CTNND2: variants seen among roughly 807,000 people sequenced by gnomAD.
The protein encoded by CTNND2 is catenin delta 2, also known as catenin delta-2.
In CTNND2, 22 loss-of-function variants were observed where a neutral mutation model predicts 144.4. The ratio of observed to expected loss-of-function variants is 0.15; its 90% confidence interval spans 0.11 to 0.22. The LOEUF is 0.22. Among genes scored for constraint, CTNND2 ranks in the 10% least tolerant of loss-of-function variants. CTNND2 has a pLI of 1.00. For synonymous variants in CTNND2, 751 were observed against 695.6 expected, an observed-to-expected ratio of 1.08 and a Z score of -1.25; for missense variants, 1,353 against 1,618.8, an observed-to-expected ratio of 0.84 and a Z score of 2.82.
At chr5:10,990,644 T>C (rs1738573564) in intron 19 of CTNND2, among the ~76,000 whole-genome samples, 2 of 152,334 alleles carry the variant, frequency 1.3e-5, no homozygotes, top group Admixed American at 1.3e-4. Flanking sequence ...GCCCAGATGG[T>C]GGTGTTTATT....
At chr5:11,417,556 T>C (rs1426867672) in intron 3 of CTNND2, among the ~76,000 whole-genome samples, 1 of 152,154 alleles carries the variant, frequency 6.6e-6, no homozygotes, top group South Asian at 2.1e-4. Context: ...GTATGGCCAC[T>C]GAACACATTA....
At chr5:11,686,740 AAATAT>A (rs941464229) in intron 2 of CTNND2, among the ~76,000 whole-genome samples, 2 of 149,298 alleles carry the variant, frequency 1.3e-5, no homozygotes, top group African/African-American at 4.9e-5. Flanking sequence ...ACATCATGTT[AAATAT>A]ATTATTCTTA....
chr5:11,576,347 TTTC>T (rs2150123243), intron 2 of CTNND2, among the ~76,000 whole-genome samples: 1 of 151,554 alleles, frequency 6.6e-6, no homozygotes, highest in East Asian at 1.9e-4. Context: ...AAAATTAATT[TTTC>T]TTAACATATT....
At chr5:11,167,817 A>C (rs898759096) in intron 11 of CTNND2, among the ~76,000 whole-genome samples, 1 of 140,972 alleles carries the variant, frequency 7.1e-6, no homozygotes. Context: ...TGATCCTCCC[A>C]CCTCCGCCAC....
intron 1 of CTNND2, among the ~76,000 whole-genome samples, chr5:11,781,405 G>C (rs1039498253): frequency 6.6e-6 from 1 of 152,192 alleles, no homozygotes. Context: ...AGAAATATGA[G>C]GTTTCTGAGG....
At chr5:11,601,631 CATA>C (rs1307736885) in intron 2 of CTNND2, among the ~76,000 whole-genome samples, 5 of 151,958 alleles carry the variant, frequency 3.3e-5, no homozygotes, top group Admixed American at 6.6e-5. Context: ...GAGAATATGT[CATA>C]ATAATACATA....
intron 3 of CTNND2, among the ~76,000 whole-genome samples, chr5:11,457,127 T>C (rs1246998343): frequency 6.6e-6 from 1 of 152,126 alleles, no homozygotes; most frequent in East Asian, 1.9e-4. Context: ...GAGAGTGAGG[T>C]GAGGTGGCTC....
At chr5:10,995,662 G>A (rs912374210) in intron 18 of CTNND2, among the ~76,000 whole-genome samples, 4 of 152,162 alleles carry the variant, frequency 2.6e-5, no homozygotes, top group African/African-American at 9.7e-5. Context: ...GCAGTATTTC[G>A]TGTGCTGATG....
chr5:11,710,947 C>T (rs1384011582), intron 2 of CTNND2, among the ~76,000 whole-genome samples: 1 of 152,224 alleles, frequency 6.6e-6, no homozygotes, highest in Non-Finnish European at 1.5e-5. Flanking sequence ...AACCCCTTGT[C>T]ACTCCACATC....
At chr5:11,022,691 A>G (rs970325803) in intron 17 of CTNND2, 78 bp downstream of exon 17, 10 of 1,035,898 alleles carry the variant, frequency 9.7e-6, no homozygotes, top group Non-Finnish European at 1.5e-5. Context: ...TCATAGTACT[A>G]CCCGTCATCA....
intron 1 of CTNND2, among the ~76,000 whole-genome samples, chr5:11,853,139 AACTC>A (rs1205942011): frequency 1.3e-5 from 2 of 151,970 alleles, no homozygotes. Context: ...TGCTAGGGAA[AACTC>A]ACTCTTTTTC....
chr5:11,649,020 T>C (rs1257965335), intron 2 of CTNND2, among the ~76,000 whole-genome samples: 4 of 152,240 alleles, frequency 2.6e-5, no homozygotes, highest in African/African-American at 9.6e-5. Flanking sequence ...AAACTACTTT[T>C]ATATTCTTAT....
chr5:11,461,658 T>C (rs1766237111), intron 3 of CTNND2, among the ~76,000 whole-genome samples: 1 of 152,172 alleles, frequency 6.6e-6, no homozygotes, highest in Admixed American at 6.5e-5. Flanking sequence ...CATAAACTCA[T>C]GGACTTTCCA....
chr5:11,378,675 A>C (rs1186545300), intron 7 of CTNND2, among the ~76,000 whole-genome samples: 12 of 152,166 alleles, frequency 7.9e-5, no homozygotes, highest in Non-Finnish European at 4.4e-5. Flanking sequence ...TTTTGACCCC[A>C]TCCCAGGAGC....
At position 11,307,271 on chromosome 5, in the gene CTNND2, T is replaced by C. The variant is rs143383068; in HGVS notation, c.1628+39101A>G. ...AAGTGAGGGTAGATCAGGCTATGCC[T>C]GTGAGATAATATCCAAACCACAAAG... On this transcript the variant is annotated intron_variant, in intron 9 of 21. Transcript: ENST00000304623. Among the ~76,000 whole-genome samples, 373 of 152,102 alleles carry C rather than the reference T, an allele frequency of 2.5e-3. 1 individual carries two copies. Among genetic ancestry groups the C allele is most frequent in the African/African-American group, 8.7e-3 (359 of 41,490 alleles).
chr5:10,997,822 A>T (rs1739519989), intron 18 of CTNND2, among the ~76,000 whole-genome samples: 1 of 152,142 alleles, frequency 6.6e-6, no homozygotes, highest in Admixed American at 6.5e-5. Context: ...AAGGTGAACA[A>T]GGTACTTTAC....
At chr5:11,325,732 C>T (rs116117042) in intron 9 of CTNND2, among the ~76,000 whole-genome samples, 2,395 of 152,138 alleles carry the variant, frequency 0.016, 50 homozygotes, top group African/African-American at 0.056. Context: ...GGCTTTCTTT[C>T]CCAAGGGCTA....
In CTNND2 at chr5:11,903,065, G is replaced by A. The variant is rs754023988; in HGVS notation, c.37+752C>T. ...AACACACTACACACCAGAATAAGAT[G>A]AGGGTCGGGAAAAAAAGAAAAAAGC... On this transcript the variant is annotated intron_variant, in intron 1 of 21. Coordinates refer to ENST00000304623, the MANE Select transcript of CTNND2 (RefSeq NM_001332.4). The surrounding 1 kb of genome is among the most constrained non-coding windows in gnomAD (Gnocchi z 5.4). The A allele has an allele frequency of 2.6e-6, 1 of 385,238 alleles. No individual in the cohort carries two copies. The highest frequency in any genetic ancestry group is 2.2e-5 in the African/African-American group (1 of 45,796). The allele number at this position is 385,238 out of a possible 1,614,324, so 23.9% of individuals were successfully genotyped here.
chr5:11,868,548 A>G (rs950876600), intron 1 of CTNND2, among the ~76,000 whole-genome samples: 1 of 152,198 alleles, frequency 6.6e-6, no homozygotes, highest in Admixed American at 6.5e-5. Flanking sequence ...CATTACTCCT[A>G]AGAAGATTGC....
Sources: gnomAD v4.1 joint callset for allele counts (sites outside exome capture counted in the v4.1 genomes callset) on GRCh38, gnomAD v4.1.1 for gene constraint, Gnocchi (gnomAD v3.1) non-coding constraint, MANE v1.5 for transcripts, NCBI Gene and HGNC (gene_info 2026-07-23, HGNC 2026-07-21) for gene names.